CALN1: variants seen among roughly 807,000 people sequenced by gnomAD.
CALN1 encodes the protein calneuron 1, also known as calcium-binding protein 8.
In CALN1, 17 loss-of-function variants were observed where a neutral mutation model predicts 30.6. The ratio of observed to expected loss-of-function variants is 0.56; its 90% confidence interval spans 0.38 to 0.83. The LOEUF (loss-of-function observed/expected upper bound fraction) is 0.83, where lower values mean the gene tolerates loss of function less well. CALN1 is among the 40% of genes least tolerant of loss of function. CALN1 has a pLI of 0.00. For synonymous variants in CALN1, 156 were observed against 131.4 expected, an observed-to-expected ratio of 1.19 and a Z score of -1.28; for missense variants, 291 against 354.9, an observed-to-expected ratio of 0.82 and a Z score of 1.45.
At chr7:71,925,779 G>A (rs996299189) in intron 5 of CALN1, among the ~76,000 whole-genome samples, 2 of 152,028 alleles carry the variant, frequency 1.3e-5, no homozygotes, top group African/African-American at 2.4e-5. Flanking sequence ...GAGCTTTCTC[G>A]GTAGAGGGTG....
At chr7:72,359,572 G>A (rs1803436371) in intron 2 of CALN1, among the ~76,000 whole-genome samples, 1 of 152,106 alleles carries the variant, frequency 6.6e-6, no homozygotes, top group African/African-American at 2.4e-5. Flanking sequence ...ATGACACAGT[G>A]AAGATAACAA....
chr7:71,854,725 T>A lies in CALN1; in HGVS notation c.502-44233A>T, dbSNP rs1790843835. Among the ~76,000 whole-genome samples the A allele has an allele frequency of 2.6e-5, 4 of 152,234 alleles. No homozygotes were observed. The South Asian group carries it at 8.3e-4, about 31-fold the overall frequency. Reference sequence around the variant, plus strand: ...CTCTCTCGAAAGATCACAGAAATTTTCAGATTTGGAGAAGCCACATAGCTG... The same window carrying A: ...CTCTCTCGAAAGATCACAGAAATTTACAGATTTGGAGAAGCCACATAGCTG... On this transcript the variant is annotated intron_variant, in intron 5 of 6. Coordinates refer to ENST00000395275, the MANE Select transcript of CALN1 (RefSeq NM_031468.4).
chr7:72,201,737 T>TTAAAAAAA (rs1229060738), intron 3 of CALN1, among the ~76,000 whole-genome samples: 1 of 117,882 alleles, frequency 8.5e-6, no homozygotes, highest in Admixed American at 8.6e-5. Flanking sequence ...TGAATCTGAT[T>TTAAAAAAA]AAAAAAAAAA....
chr7:72,403,415 A>G lies in CALN1; in HGVS notation c.-46T>C. The G allele has an allele frequency of 6.8e-7, 1 of 1,466,202 alleles. No homozygotes were observed. The highest frequency in any genetic ancestry group is 9.2e-7 in the Non-Finnish European group (1 of 1,086,216). 90.8% of individuals were successfully genotyped at this position (1,466,202 alleles called of 1,614,324 possible). On this transcript the variant is annotated 5_prime_UTR_variant, in exon 2 of 7. Coordinates refer to ENST00000395275, the MANE Select transcript of CALN1 (RefSeq NM_031468.4). ...CTCAGAGAGAGTTAGAAGCTCATCA[A>G]AGGAACGTCAGCGAAGGCACTGAGA...
chr7:72,448,239 G>A (rs116176519), upstream of CALN1, among the ~76,000 whole-genome samples: 769 of 152,330 alleles, frequency 5.0e-3, 12 homozygotes, highest in African/African-American at 0.018. Context: ...ATTACAGGCA[G>A]ATCACCAAGA....
In CALN1 at chr7:71,807,560, C is replaced by T. The variant is rs372758121; in HGVS notation, c.658+2776G>A. Among the ~76,000 whole-genome samples the T allele has an allele frequency of 8.5e-5, 13 of 152,290 alleles. No individual in the cohort carries two copies. In the East Asian group the frequency reaches 1.7e-3, roughly 20 times the overall value. On this transcript the variant is annotated intron_variant, in intron 6 of 6. Transcript: ENST00000395275. ...ATATGCAAAAGGGATTATGTAATGA[C>T]CGTCCCAGAGGTCATACAAGAATGC...
rs71069048 is a variant in CALN1 at position 72,273,421 on chromosome 7, C to CAAA, written c.244+5262_244+5264dup. 6.7e-3 allele frequency among the ~76,000 whole-genome samples: 634 copies of CAAA among 94,506 alleles called. 15 individuals carry two copies. The highest frequency in any genetic ancestry group is 0.026 in the African/African-American group (601 of 23,032). 62.0% of individuals were successfully genotyped at this position (94,506 alleles called of 152,430 possible). ...TGGGCAACAGAGCAAGACTCCATCT[C>CAAA]AAAAAAAAAAAAAAAGCGGCGGGCG... On this transcript the variant is annotated intron_variant, in intron 3 of 6. Coordinates refer to ENST00000395275, the MANE Select transcript of CALN1 (RefSeq NM_031468.4).
At chr7:71,873,136 T>C (rs1200372031) in intron 5 of CALN1, among the ~76,000 whole-genome samples, 3 of 151,402 alleles carry the variant, frequency 2.0e-5, no homozygotes, top group Non-Finnish European at 4.4e-5. Context: ...CTTGAGTAGC[T>C]AGGATTACAG....
rs530856844 is a variant in CALN1 at position 72,241,662 on chromosome 7, C to T, written c.244+37024G>A. ...CAGAGGTTGCAGTGAGCCAAGATCA[C>T]GCCATTGCACTCCAGCCTGGGCAAT... On this transcript the variant is annotated intron_variant, in intron 3 of 6. Coordinates refer to ENST00000395275, the MANE Select transcript of CALN1 (RefSeq NM_031468.4). Among the ~76,000 whole-genome samples, 378 of 152,014 alleles carry T rather than the reference C, an allele frequency of 2.5e-3. 3 individuals are homozygous for T. The highest frequency in any genetic ancestry group is 8.6e-3 in the African/African-American group (356 of 41,456).
intron 2 of CALN1, among the ~76,000 whole-genome samples, chr7:72,380,022 G>A (rs987410885): frequency 9.9e-5 from 15 of 152,214 alleles, no homozygotes; most frequent in Non-Finnish European, 2.1e-4. Context: ...AGATGGAGAA[G>A]TATTATAAAT....
chr7:72,482,838 G>C, the CALN1 span, among the ~76,000 whole-genome samples: 1 of 151,668 alleles, frequency 6.6e-6, no homozygotes, highest in Non-Finnish European at 1.5e-5. Context: ...TTTCCTTCTG[G>C]TCTCATTTTC....
chr7:72,077,879 T>C (rs1804857438), intron 4 of CALN1, among the ~76,000 whole-genome samples: 2 of 152,162 alleles, frequency 1.3e-5, no homozygotes, highest in South Asian at 2.1e-4. Context: ...TACCTGATAA[T>C]TGTCACTTAC....
chr7:72,322,879 T>G (rs1018967712), intron 2 of CALN1, among the ~76,000 whole-genome samples: 3 of 151,782 alleles, frequency 2.0e-5, no homozygotes, highest in Admixed American at 1.3e-4. Context: ...ACATCATTAT[T>G]ACACACTGCA....
Position 72,278,007 on chromosome 7 carries a change from CCG to C in CALN1, c.244+677_244+678del, listed in dbSNP as rs1491167871. ...GGCCAAATCAACCTAATCCTCTATT[CCG>C]GGGGGGGGGGACTTGTTTTTCCTAT... On this transcript the variant is annotated intron_variant, in intron 3 of 6. Transcript: ENST00000395275. Among the ~76,000 whole-genome samples, 196 of 29,844 alleles carry C rather than the reference CCG, an allele frequency of 6.6e-3. 3 individuals carry two copies. The East Asian group carries it at 0.24, about 36-fold the overall frequency. The allele number at this position is 29,844 out of a possible 152,430, so 19.6% of individuals were successfully genotyped here.
At chr7:71,835,094 C>T (rs1203068807) in intron 5 of CALN1, among the ~76,000 whole-genome samples, 1 of 152,204 alleles carries the variant, frequency 6.6e-6, no homozygotes, top group East Asian at 1.9e-4. Flanking sequence ...CTGCCTTGCT[C>T]TCCCAATGTG....
chr7:72,035,519 G>A (rs1415538423), intron 4 of CALN1, among the ~76,000 whole-genome samples: 1 of 152,056 alleles, frequency 6.6e-6, no homozygotes, highest in Non-Finnish European at 1.5e-5. Flanking sequence ...AAGGCTTTTG[G>A]TTCCTCATTT....
intron 3 of CALN1, among the ~76,000 whole-genome samples, chr7:72,264,015 T>C (rs1796449222): frequency 6.6e-6 from 1 of 152,182 alleles, no homozygotes; most frequent in African/African-American, 2.4e-5. Context: ...TGGTTTGGAC[T>C]GAGCTCCTGC....
chr7:71,993,777 G>A (rs1799089503), intron 5 of CALN1, among the ~76,000 whole-genome samples: 1 of 151,812 alleles, frequency 6.6e-6, no homozygotes, highest in Non-Finnish European at 1.5e-5. Flanking sequence ...AATATTAACA[G>A]GAAAAGCACA....
intron 5 of CALN1, among the ~76,000 whole-genome samples, chr7:71,984,236 G>T (rs1798549243): frequency 6.6e-6 from 1 of 152,144 alleles, no homozygotes; most frequent in Non-Finnish European, 1.5e-5. Flanking sequence ...AGGCAGAAGT[G>T]TGAAATGATT....
Sources: gnomAD v4.1 joint callset for allele counts (sites outside exome capture counted in the v4.1 genomes callset) on GRCh38, gnomAD v4.1.1 for gene constraint, MANE v1.5 for transcripts, NCBI Gene and HGNC (gene_info 2026-07-23, HGNC 2026-07-21) for gene names.